The following PACSIN1 variants were observed in gnomAD, a reference collection of about 807,000 sequenced individuals.
PACSIN1 encodes the protein protein kinase C and casein kinase substrate in neurons 1.
A neutral mutation model predicts 59.5 loss-of-function variants in PACSIN1; 15 were observed. That is an observed-to-expected ratio of 0.25 (90% CI 0.17 to 0.39). The LOEUF (loss-of-function observed/expected upper bound fraction) is 0.39, where lower values mean the gene tolerates loss of function less well. PACSIN1 is among the 10% of genes least tolerant of loss of function. The pLI, the probability that PACSIN1 is intolerant of heterozygous loss-of-function variation, is 1.00. For synonymous variants in PACSIN1, 210 were observed against 220.6 expected (o/e 0.95, Z 0.42); for missense variants, 420 against 580.2 (o/e 0.72, Z 2.84).
chr6:34,494,927 T>C (rs921105305), intron 1 of PACSIN1, among the ~76,000 whole-genome samples: 3 of 152,230 alleles, frequency 2.0e-5, no homozygotes, highest in African/African-American at 7.2e-5. Context: ...CTGGCACCAG[T>C]GCTAGTTACT....
intron 1 of PACSIN1, chr6:34,485,107 T>A (rs1484235949): frequency 6.6e-6 from 1 of 152,040 alleles, no homozygotes; most frequent in Non-Finnish European, 1.5e-5. Flanking sequence ...AGTCAACAGG[T>A]TGGGGCCCAA....
At chr6:34,517,284 TC>T (rs1331112906) in intron 1 of PACSIN1, among the ~76,000 whole-genome samples, 3 of 151,952 alleles carry the variant, frequency 2.0e-5, no homozygotes, top group Non-Finnish European at 2.9e-5. Context: ...GCCCCCATCT[TC>T]CCTCACCTGG....
chr6:34,526,983 T>C (rs1258368866), intron 2 of PACSIN1, among the ~76,000 whole-genome samples: 2 of 152,174 alleles, frequency 1.3e-5, no homozygotes, highest in East Asian at 1.9e-4. Flanking sequence ...TCTATATAAA[T>C]ATAATAGATT....
intron 1 of PACSIN1, among the ~76,000 whole-genome samples, chr6:34,496,009 C>T (rs1421326935): frequency 1.3e-5 from 2 of 152,184 alleles, no homozygotes; most frequent in East Asian, 1.9e-4. Flanking sequence ...GCCTCAGTTT[C>T]CCCATCCCTA....
intron 1 of PACSIN1, among the ~76,000 whole-genome samples, chr6:34,495,142 C>T (rs1236330079): frequency 6.6e-6 from 1 of 152,164 alleles, no homozygotes; most frequent in Non-Finnish European, 1.5e-5. Flanking sequence ...CTCAGCTAGG[C>T]ATTAGGCAAA....
chr6:34,524,178 C>T (rs1331812574), intron 1 of PACSIN1, among the ~76,000 whole-genome samples: 2 of 152,088 alleles, frequency 1.3e-5, no homozygotes, highest in Admixed American at 6.5e-5. Flanking sequence ...CTTTTCTGGA[C>T]GAGGTAGAGA....
Position 34,515,064 on chromosome 6 carries a change from C to T in PACSIN1, c.-63-11179C>T, listed in dbSNP as rs1767267760. The T allele has an allele frequency of 6.6e-6, 1 of 152,384 alleles. No homozygotes were observed. Among genetic ancestry groups the T allele is most frequent in the Admixed American group, 6.5e-5 (1 of 15,288 alleles). The allele number at this position is 152,384 out of a possible 1,614,324, so 9.4% of individuals were successfully genotyped here. On this transcript the variant is annotated intron_variant, in intron 1 of 9. Coordinates refer to ENST00000244458, the MANE Select transcript of PACSIN1 (RefSeq NM_020804.5). This position sits in a 1 kb window ranked among gnomAD's most constrained non-coding sequence, Gnocchi z 4.4. ...GCCCCCAGCTTGGTGCCCACACGGG[C>T]CCAGGTAGGCATTTCGATGGCTGGA... is the stretch of plus-strand genomic sequence containing the variant.
At chr6:34,478,442 G>A (rs994246902) in intron 1 of PACSIN1, among the ~76,000 whole-genome samples, 3 of 143,906 alleles carry the variant, frequency 2.1e-5, no homozygotes, top group East Asian at 2.0e-4. Flanking sequence ...GCACGATCTC[G>A]GCTCACTTCA....
rs1352718194 is a variant in PACSIN1, at chr6:34,529,157, G to T, written c.457-240G>T. Among the ~76,000 whole-genome samples the T allele has an allele frequency of 1.3e-5, 2 of 152,130 alleles. No homozygotes were observed. Among genetic ancestry groups the T allele is most frequent in the African/African-American group, 2.4e-5 (1 of 41,430 alleles). On this transcript the variant is annotated intron_variant, in intron 4 of 9. Transcript: ENST00000244458. The surrounding 1 kb of genome is among the most constrained non-coding windows in gnomAD (Gnocchi z 6.3). ...GCCCCTGGGTCCCCAGATGGGGCGGGCACTGCACTGCCTGACAGGAGGGTA... is the reference window on the plus strand; with the variant it reads ...GCCCCTGGGTCCCCAGATGGGGCGGTCACTGCACTGCCTGACAGGAGGGTA...
chr6:34,527,083 G>A (rs903848759), intron 2 of PACSIN1, among the ~76,000 whole-genome samples: 8 of 151,644 alleles, frequency 5.3e-5, no homozygotes, highest in African/African-American at 1.9e-4. Flanking sequence ...AGGAAATCAT[G>A]TTTAAATTGG....
Position 34,526,358 on chromosome 6 carries a change from G to A in PACSIN1, c.53G>A (p.Ser18Asn). The A allele has an allele frequency of 6.2e-7, 1 of 1,612,354 alleles. No homozygotes were observed. The highest frequency in any genetic ancestry group is 8.5e-7 in the Non-Finnish European group (1 of 1,179,720). ...ASLAPEETTD[S>N]FWEVGNYKRT... ...CTGGCGCCAGAGGAGACCACCGACAGCTTCTGGGAGGTGAGGCTCTCATGA... is the reference window on the plus strand; with the variant it reads ...CTGGCGCCAGAGGAGACCACCGACAACTTCTGGGAGGTGAGGCTCTCATGA... Residue 18 changes from serine to asparagine, a missense_variant, in exon 2 of 10, where the codon AGC (serine) becomes AAC (asparagine). By Grantham distance (46) the Ser-to-Asn change is conservative. Transcript: ENST00000244458.
chr6:34,528,891 G>GGGGC lies in PACSIN1; in HGVS notation c.456+14_456+15insGGGC. On this transcript the variant is annotated intron_variant, in intron 4 of 9. Coordinates refer to ENST00000244458, the MANE Select transcript of PACSIN1 (RefSeq NM_020804.5). Reference sequence around the variant, plus strand: ...AAGATGAAGGAGGTGCTCAGTGGGTGCTGCCACGGGCGGGGTGGGGTGGGC... The same window carrying GGGGC: ...AAGATGAAGGAGGTGCTCAGTGGGTGGGGCCTGCCACGGGCGGGGTGGGGTGGGC... 3.4e-6 allele frequency: 5 copies of GGGGC among 1,491,968 alleles called. No individual in the cohort carries two copies. Among genetic ancestry groups the GGGGC allele is most frequent in the Non-Finnish European group, 4.6e-6 (5 of 1,081,230 alleles). 92.4% of individuals were successfully genotyped at this position (1,491,968 alleles called of 1,614,324 possible). A position where few individuals can be genotyped will look rare whatever the true frequency, so the allele number is the denominator to read the frequency against.
chr6:34,504,385 G>A (rs569264571), intron 1 of PACSIN1, among the ~76,000 whole-genome samples: 1 of 151,372 alleles, frequency 6.6e-6, no homozygotes, highest in East Asian at 1.9e-4. Flanking sequence ...TCTGCCTCCG[G>A]GTTCAAGCAA....
intron 1 of PACSIN1, among the ~76,000 whole-genome samples, chr6:34,468,962 C>T (rs6903168): frequency 0.022 from 3,286 of 152,312 alleles, 53 homozygotes; most frequent in South Asian, 0.032. Flanking sequence ...ATTTTGCATT[C>T]GTCTCCCATT....
chr6:34,467,292 G>C (rs1383631211), intron 1 of PACSIN1, among the ~76,000 whole-genome samples: 5 of 152,134 alleles, frequency 3.3e-5, no homozygotes, highest in African/African-American at 7.2e-5. Context: ...TATTTGTCTT[G>C]TTCATCTCCT....
intron 1 of PACSIN1, among the ~76,000 whole-genome samples, chr6:34,512,152 G>A (rs987292443): frequency 2.6e-5 from 4 of 151,956 alleles, no homozygotes; most frequent in African/African-American, 9.7e-5. Flanking sequence ...GAGAGTAGAG[G>A]GCCTTCATTC....
rs1362022560 is a variant in PACSIN1, at chr6:34,532,560, C to T, written c.*30C>T. 7.8e-7 allele frequency: 1 copy of T among 1,278,612 alleles called. No individual in the cohort carries two copies. Among genetic ancestry groups the T allele is most frequent in the Non-Finnish European group, 1.1e-6 (1 of 906,728 alleles). 79.2% of individuals were successfully genotyped at this position (1,278,612 alleles called of 1,614,324 possible). A position where few individuals can be genotyped will look rare whatever the true frequency, so the allele number is the denominator to read the frequency against. Reference sequence around the variant, plus strand: ...CCCCTCCCTCCATACTCCCGTCACTCCTCCCCACTGCCGCCCCTCCCCTCC... The same window carrying T: ...CCCCTCCCTCCATACTCCCGTCACTTCTCCCCACTGCCGCCCCTCCCCTCC... On this transcript the variant is annotated 3_prime_UTR_variant, in exon 10 of 10. Transcript: ENST00000244458. The surrounding 1 kb of genome is among the most constrained non-coding windows in gnomAD (Gnocchi z 5.2).
intron 1 of PACSIN1, among the ~76,000 whole-genome samples, chr6:34,466,597 T>G (rs1766500259): frequency 6.6e-6 from 1 of 152,056 alleles, no homozygotes; most frequent in Non-Finnish European, 1.5e-5. Context: ...GCGGTCCGGG[T>G]CTCTGGACTG....
Position 34,516,942 on chromosome 6 carries a change from A to C in PACSIN1, c.-63-9301A>C. Among the ~76,000 whole-genome samples, 1 of 152,108 alleles carries C rather than the reference A, an allele frequency of 6.6e-6. No homozygotes were observed. The highest frequency in any genetic ancestry group is 1.9e-4 in the East Asian group (1 of 5,188). ...CAGCAGGGGCTGGGGCCTGGGACACAGGAACAATCTGGCTCCCGGCTGGCC... is the reference window on the plus strand; with the variant it reads ...CAGCAGGGGCTGGGGCCTGGGACACCGGAACAATCTGGCTCCCGGCTGGCC... On this transcript the variant is annotated intron_variant, in intron 1 of 9. Coordinates refer to ENST00000244458, the MANE Select transcript of PACSIN1 (RefSeq NM_020804.5). This position sits in a 1 kb window ranked among gnomAD's most constrained non-coding sequence, Gnocchi z 5.4.
Sources: gnomAD v4.1 joint callset for allele counts (sites outside exome capture counted in the v4.1 genomes callset) on GRCh38, gnomAD v4.1.1 for gene constraint, Gnocchi (gnomAD v3.1) non-coding constraint, MANE v1.5 for transcripts, NCBI Gene and HGNC (gene_info 2026-07-23, HGNC 2026-07-21) for gene names.